Variants in CLSTN2 observed in about 807,000 individuals in gnomAD.
CLSTN2 encodes the protein calsyntenin 2.
CLSTN2 carries 48 observed loss-of-function variants against 101.2 expected under a neutral mutation model. That is an observed-to-expected ratio of 0.47 (90% CI 0.38 to 0.60). The LOEUF is 0.60. Among genes scored for constraint, CLSTN2 ranks in the 20% least tolerant of loss-of-function variants. The pLI is 0.00. For missense variants in CLSTN2, 1,160 were observed against 1,238.2 expected, an observed-to-expected ratio of 0.94 and a Z score of 0.95; for synonymous variants, 481 against 463.6, an observed-to-expected ratio of 1.04 and a Z score of -0.48.
At chr3:139,938,062 AGCTGT>A (rs1363147789) in intron 1 of CLSTN2, among the ~76,000 whole-genome samples, 2 of 150,444 alleles carry the variant, frequency 1.3e-5, no homozygotes, top group African/African-American at 4.9e-5. Context: ...GAAATGATAA[AGCTGT>A]ATGTTTTGTG....
At chr3:140,038,771 G>C (rs1171273293) in intron 1 of CLSTN2, among the ~76,000 whole-genome samples, 1 of 151,896 alleles carries the variant, frequency 6.6e-6, no homozygotes, top group African/African-American at 2.4e-5. Flanking sequence ...AGATACTAAG[G>C]GTGTTCTTTG....
chr3:140,001,548 C>T (rs1293356952), intron 1 of CLSTN2, among the ~76,000 whole-genome samples: 1 of 151,872 alleles, frequency 6.6e-6, no homozygotes, highest in Admixed American at 6.6e-5. Context: ...TACAGGCATG[C>T]AATATATAAT....
intron 2 of CLSTN2, among the ~76,000 whole-genome samples, chr3:140,388,249 G>A (rs2088075196): frequency 6.6e-6 from 1 of 152,218 alleles, no homozygotes; most frequent in South Asian, 2.1e-4. Flanking sequence ...TTAACTGACT[G>A]TAAATAATGA....
intron 1 of CLSTN2, among the ~76,000 whole-genome samples, chr3:140,148,514 A>C (rs192699657): frequency 1.3e-5 from 2 of 152,220 alleles, no homozygotes; most frequent in Non-Finnish European, 2.9e-5. Flanking sequence ...ATTTTTCATA[A>C]TGACCCACTA....
At chr3:140,273,540 GATA>G (rs1324355322) in intron 2 of CLSTN2, among the ~76,000 whole-genome samples, 1 of 152,102 alleles carries the variant, frequency 6.6e-6, no homozygotes, top group Non-Finnish European at 1.5e-5. Flanking sequence ...TATGAATAGG[GATA>G]ATAATAATCA....
intron 2 of CLSTN2, among the ~76,000 whole-genome samples, chr3:140,262,333 T>A (rs1180240952): frequency 6.6e-6 from 1 of 152,196 alleles, no homozygotes; most frequent in Non-Finnish European, 1.5e-5. Flanking sequence ...CAGCATGGCT[T>A]TCAATGGCTT....
chr3:140,277,173 G>T (rs759488609), intron 2 of CLSTN2, among the ~76,000 whole-genome samples: 12 of 152,200 alleles, frequency 7.9e-5, no homozygotes, highest in Non-Finnish European at 1.8e-4. Flanking sequence ...GCCAGATATG[G>T]TTATGTCTGT....
intron 9 of CLSTN2, among the ~76,000 whole-genome samples, chr3:140,537,865 C>G (rs1211134320): frequency 6.6e-6 from 1 of 152,148 alleles, no homozygotes; most frequent in African/African-American, 2.4e-5. Flanking sequence ...TACTATAACC[C>G]AGCTGTGCAA....
intron 1 of CLSTN2, among the ~76,000 whole-genome samples, chr3:140,073,951 G>T (rs1239828595): frequency 6.6e-6 from 1 of 152,094 alleles, no homozygotes; most frequent in Non-Finnish European, 1.5e-5. Flanking sequence ...AGCAGACTCG[G>T]CTCTCTGGTG....
intron 2 of CLSTN2, among the ~76,000 whole-genome samples, chr3:140,300,315 T>C (rs1016488779): frequency 6.6e-6 from 1 of 152,220 alleles, no homozygotes; most frequent in African/African-American, 2.4e-5. Context: ...TGCTGATTAA[T>C]GCCCTTCAAC....
chr3:140,378,454 T>C (rs2087943685), intron 2 of CLSTN2, among the ~76,000 whole-genome samples: 1 of 152,230 alleles, frequency 6.6e-6, no homozygotes, highest in Non-Finnish European at 1.5e-5. Flanking sequence ...CCTAAATGAA[T>C]AGAATTTTTC....
rs1985468512 is a variant in CLSTN2, at chr3:140,569,848, T to G, written c.*3595T>G. On this transcript the variant is annotated 3_prime_UTR_variant, in exon 17 of 17. Transcript: ENST00000458420. Reference sequence around the variant, plus strand: ...CATCCACCACCATGCCCAGCTAATTTTTGTATTTTTAGTAGAGACAGGGCT... The same window carrying G: ...CATCCACCACCATGCCCAGCTAATTGTTGTATTTTTAGTAGAGACAGGGCT... The G allele has an allele frequency of 6.6e-6, 1 of 152,126 alleles. No individual in the cohort carries two copies. Among genetic ancestry groups the G allele is most frequent in the Non-Finnish European group, 1.5e-5 (1 of 68,046 alleles). The allele number at this position is 152,126 out of a possible 1,614,324, so 9.4% of individuals were successfully genotyped here.
At chr3:140,476,654 C>CTT (rs564731249) in intron 8 of CLSTN2, among the ~76,000 whole-genome samples, 27 of 124,608 alleles carry the variant, frequency 2.2e-4, no homozygotes, top group South Asian at 5.1e-4. Context: ...GTTTTAGCAT[C>CTT]TTTTTTTTTT....
intron 2 of CLSTN2, among the ~76,000 whole-genome samples, chr3:140,292,890 C>T (rs6765022): frequency 0.43 from 65,852 of 152,046 alleles, 14,926 homozygotes; most frequent in Non-Finnish European, 0.48. Flanking sequence ...GAGAGTTTAG[C>T]CATTTATGAA....
At chr3:140,161,965 A>G (rs2010053703) in intron 1 of CLSTN2, among the ~76,000 whole-genome samples, 1 of 152,222 alleles carries the variant, frequency 6.6e-6, no homozygotes, top group South Asian at 2.1e-4. Flanking sequence ...AACTCATCAA[A>G]TATTGACCAA....
intron 1 of CLSTN2, among the ~76,000 whole-genome samples, chr3:140,081,061 G>A (rs1484225023): frequency 6.6e-6 from 1 of 152,200 alleles, no homozygotes; most frequent in African/African-American, 2.4e-5. Context: ...TGTCTTTGTG[G>A]AAAATGGGCC....
chr3:140,315,836 C>G (rs112066180), intron 2 of CLSTN2, among the ~76,000 whole-genome samples: 1,598 of 152,258 alleles, frequency 0.01, 30 homozygotes, highest in African/African-American at 0.036. Context: ...CAGGAGCTAT[C>G]GGCTTAGCAT....
chr3:140,359,183 C>G (rs1252061359), intron 2 of CLSTN2, among the ~76,000 whole-genome samples: 1 of 151,072 alleles, frequency 6.6e-6, no homozygotes, highest in Non-Finnish European at 1.5e-5. Flanking sequence ...CCACTTGAGA[C>G]CCTAAATTCT....
chr3:140,386,190 C>G (rs1464415489), intron 2 of CLSTN2, among the ~76,000 whole-genome samples: 1 of 152,206 alleles, frequency 6.6e-6, no homozygotes, highest in Non-Finnish European at 1.5e-5. Context: ...TTACTCCCAT[C>G]CTGTGCCTGA....
Sources: gnomAD v4.1 joint callset for allele counts (sites outside exome capture counted in the v4.1 genomes callset) on GRCh38, gnomAD v4.1.1 for gene constraint, MANE v1.5 for transcripts, NCBI Gene and HGNC (gene_info 2026-07-23, HGNC 2026-07-21) for gene names.